YIF1B: variants seen among roughly 807,000 people sequenced by gnomAD.
The protein encoded by YIF1B is Yip1 interacting factor homolog B, membrane trafficking protein.
A neutral mutation model predicts 34.6 loss-of-function variants in YIF1B; 24 were observed. That is an observed-to-expected ratio of 0.69 (90% CI 0.50 to 0.98). The LOEUF (loss-of-function observed/expected upper bound fraction) is 0.98, where lower values mean the gene tolerates loss of function less well. Among genes scored for constraint, YIF1B ranks in the 50% least tolerant of loss-of-function variants. YIF1B has a pLI of 0.00. For synonymous variants in YIF1B, 186 were observed against 184.8 expected (o/e 1.01, Z -0.05); for missense variants, 368 against 429.4 (o/e 0.86, Z 1.26).
chr19:38,307,799 C>A (rs766283627), intron 5 of YIF1B, 47 bp from the exon 6 acceptor site: 69 of 1,599,642 alleles, frequency 4.3e-5, no homozygotes, highest in Middle Eastern at 2.0e-4. Flanking sequence ...TCAGACCCCC[C>A]ACCCCCAGCA....
In YIF1B at chr19:38,304,718, G is replaced by A; in HGVS notation, c.*634C>T. The A allele has an allele frequency of 1.9e-6, 3 of 1,613,504 alleles. No homozygotes were observed. Among genetic ancestry groups the A allele is most frequent in the Non-Finnish European group, 2.5e-6 (3 of 1,179,846 alleles). On this transcript the variant is annotated 3_prime_UTR_variant, in exon 8 of 8. Transcript: ENST00000339413. Reference sequence around the variant, plus strand: ...GGCTCTCGCCAGCGTCCCCAAGCACGTGCCCTGCACCCCAGAGAGGCGTCC... The same window carrying A: ...GGCTCTCGCCAGCGTCCCCAAGCACATGCCCTGCACCCCAGAGAGGCGTCC...
chr19:38,315,963 G>A (rs1969534327), upstream of YIF1B: 8 of 1,388,228 alleles, frequency 5.8e-6, no homozygotes, highest in South Asian at 6.4e-5. Flanking sequence ...GTGCCCGCCC[G>A]GCTCCCGTAC....
chr19:38,308,810 G>GC lies in YIF1B; in HGVS notation c.520dup (p.Ala174GlyfsTer7). On this transcript the variant is annotated frameshift_variant, in exon 5 of 8. Transcript: ENST00000339413. LOFTEE classifies it high-confidence loss of function. ...CCCTTACCTATCCTGGGTCCCCAGC[G>GC]CAAGACCAGCCACCAAAACGTAGGT... 1.2e-6 allele frequency: 2 copies of GC among 1,613,880 alleles called. No individual in the cohort carries two copies. The highest frequency in any genetic ancestry group is 1.7e-6 in the Non-Finnish European group (2 of 1,179,914).
At position 38,304,231 on chromosome 19, in the gene YIF1B, T is replaced by C. The variant is rs927849184; in HGVS notation, c.*1121A>G. On this transcript the variant is annotated 3_prime_UTR_variant, in exon 8 of 8. Transcript: ENST00000339413. ...GCTCCTCTGCAGGGCCCAGGCGCCC[T>C]TGGCCTTAGGACCCAACTTCTCTTA... The C allele has an allele frequency of 1.9e-6, 3 of 1,613,096 alleles. No homozygotes were observed. The highest frequency in any genetic ancestry group is 1.3e-5 in the African/African-American group (1 of 74,928).
Position 38,315,891 on chromosome 19 carries a change from C to A in YIF1B, c.27G>T (p.Ala9=). 1 of 1,479,874 alleles carries A rather than the reference C, an allele frequency of 6.8e-7. No individual in the cohort carries two copies. The highest frequency in any genetic ancestry group is 1.3e-5 in the South Asian group (1 of 77,404). The allele number at this position is 1,479,874 out of a possible 1,614,324, so 91.7% of individuals were successfully genotyped here. Residue 9 remains alanine (A), a synonymous_variant, in exon 1 of 8, where the codon GCG becomes GCT. Transcript: ENST00000339413. The part of the protein sequence containing the change: MHPAGLAA[A]AAGTPRLRKW... ...TACGCAGCCGGGGCGTCCCCGCAGC[C>A]GCCGCCGCCAAGCCTGCCGGGTGCA...
In YIF1B at chr19:38,306,500, G is replaced by A. The variant is rs74998829; in HGVS notation, c.789+928C>T. Among the ~76,000 whole-genome samples, 193 of 151,522 alleles carry A rather than the reference G, an allele frequency of 1.3e-3. 1 individual carries two copies. The highest frequency in any genetic ancestry group is 4.3e-3 in the African/African-American group (178 of 41,326). On this transcript the variant is annotated intron_variant, in intron 7 of 7. Coordinates refer to ENST00000339413, the MANE Select transcript of YIF1B (RefSeq NM_001039672.3). ...TGCTGGGATCACAGATGTGAGTCAC[G>A]TGCTTGGCCTAAACTTTTAAATGAT... is the stretch of plus-strand genomic sequence containing the variant.
At position 38,305,116 on chromosome 19, in the gene YIF1B, C is replaced by T; in HGVS notation, c.*236G>A. On this transcript the variant is annotated 3_prime_UTR_variant, in exon 8 of 8. Coordinates refer to ENST00000339413, the MANE Select transcript of YIF1B (RefSeq NM_001039672.3). ...GAGGCCAAGGAGAGGCTGTCCACGCCATGCCCATCAGGGTTTATTGTTTCT... is the reference window on the plus strand; with the variant it reads ...GAGGCCAAGGAGAGGCTGTCCACGCTATGCCCATCAGGGTTTATTGTTTCT... 8 of 1,448,786 alleles carry T rather than the reference C, an allele frequency of 5.5e-6. No homozygotes were observed. Among genetic ancestry groups the T allele is most frequent in the Non-Finnish European group, 7.4e-6 (8 of 1,086,266 alleles). 89.7% of individuals were successfully genotyped at this position (1,448,786 alleles called of 1,614,324 possible).
chr19:38,305,346 GCGCGCTCA>G lies in YIF1B; in HGVS notation c.943_*5del. ...GCAGCAGCAGCGGGAGGTTCAGCGGGCGCGCTCACCGCACCAGGTGGAAGGTGAGCCAG... is the reference window on the plus strand; with the variant it reads ...GCAGCAGCAGCGGGAGGTTCAGCGGGCCGCACCAGGTGGAAGGTGAGCCAG... On this transcript the variant is annotated stop_lost and 3_prime_UTR_variant, in exon 8 of 8. Transcript: ENST00000339413. The G allele has an allele frequency of 6.2e-7, 1 of 1,600,244 alleles. No individual in the cohort carries two copies. The highest frequency in any genetic ancestry group is 8.5e-7 in the Non-Finnish European group (1 of 1,171,002).
Position 38,303,822 on chromosome 19 carries a change from A to G in YIF1B, c.*1530T>C, listed in dbSNP as rs918291998. 1.3e-4 allele frequency among the ~76,000 whole-genome samples: 20 copies of G among 152,330 alleles called. No individual in the cohort carries two copies. The highest frequency in any genetic ancestry group is 4.8e-4 in the African/African-American group (20 of 41,582). On this transcript the variant is annotated 3_prime_UTR_variant, in exon 8 of 8. Coordinates refer to ENST00000339413, the MANE Select transcript of YIF1B (RefSeq NM_001039672.3). ...CTCACCCCTCAGACGCTGCTCACCA[A>G]GCCGGAGGGGCTGTGGGAGCGAGTT...
Position 38,313,555 on chromosome 19 carries a change from G to A in YIF1B, c.58+2305C>T, listed in dbSNP as rs112486003. On this transcript the variant is annotated intron_variant, in intron 1 of 7. Coordinates refer to ENST00000339413, the MANE Select transcript of YIF1B (RefSeq NM_001039672.3). The stretch of plus-strand genomic sequence containing the variant: ...ATTACAGGCGTGAGCCACCTAACCC[G>A]GCCCAGAGTGATCTTTTTAAATACA... Among the ~76,000 whole-genome samples, 12 of 152,286 alleles carry A rather than the reference G, an allele frequency of 7.9e-5. No homozygotes were observed. The South Asian group carries it at 8.3e-4, about 11-fold the overall frequency.
intron 7 of YIF1B, chr19:38,306,842 C>G (rs1001437117): frequency 2.6e-6 from 1 of 391,590 alleles, no homozygotes; most frequent in Non-Finnish European, 5.2e-6. Context: ...CCACCACACC[C>G]AGCTAATTTT....
chr19:38,318,873 C>CG (rs953135016), upstream of YIF1B, among the ~76,000 whole-genome samples: 232 of 152,058 alleles, frequency 1.5e-3, 1 homozygote, highest in African/African-American at 2.6e-3. Context: ...GAGAGACTTA[C>CG]GGGGGGGCGC....
intron 7 of YIF1B, 121 bp downstream of exon 7, chr19:38,307,307 G>T: frequency 1.8e-6 from 2 of 1,133,782 alleles, no homozygotes; most frequent in Non-Finnish European, 2.5e-6. Context: ...GCCACTCCAG[G>T]GCTCCTCAGT....
At chr19:38,318,674 G>A (rs1969610887), upstream of YIF1B, among the ~76,000 whole-genome samples, 1 of 152,190 alleles carries the variant, frequency 6.6e-6, no homozygotes, top group Non-Finnish European at 1.5e-5. Context: ...AGGTGCCTCT[G>A]CTTCTGGATT....
At position 38,315,866 on chromosome 19, in the gene YIF1B, T is replaced by TA. The variant is rs1369012877; in HGVS notation, c.51dup (p.Lys18Ter). 2.7e-6 allele frequency: 4 copies of TA among 1,500,616 alleles called. No homozygotes were observed. The highest frequency in any genetic ancestry group is 2.9e-5 in the African/African-American group (2 of 68,998). 93.0% of individuals were successfully genotyped at this position (1,500,616 alleles called of 1,614,324 possible). A position where few individuals can be genotyped will look rare whatever the true frequency, so the allele number is the denominator to read the frequency against. Reference sequence around the variant, plus strand: ...TCCTCCGCCGGCCACGTACGCCACTTACGCAGCCGGGGCGTCCCCGCAGCC... The same window carrying TA: ...TCCTCCGCCGGCCACGTACGCCACTTAACGCAGCCGGGGCGTCCCCGCAGCC... On this transcript the variant is annotated frameshift_variant, in exon 1 of 8. Coordinates refer to ENST00000339413, the MANE Select transcript of YIF1B (RefSeq NM_001039672.3). LOFTEE classifies it high-confidence loss of function.
At chr19:38,313,453 G>C (rs866222618) in intron 1 of YIF1B, among the ~76,000 whole-genome samples, 1 of 149,400 alleles carries the variant, frequency 6.7e-6, no homozygotes, top group South Asian at 2.1e-4. Flanking sequence ...TAGAGACGGG[G>C]TTTCACCGTG....
chr19:38,307,191 G>T (rs1012788845), intron 7 of YIF1B: 13 of 563,150 alleles, frequency 2.3e-5, no homozygotes, highest in Non-Finnish European at 3.6e-5. Flanking sequence ...CCTGGAGCCT[G>T]TGTGCTGGGG....
In YIF1B at chr19:38,304,671, G is replaced by T; in HGVS notation, c.*681C>A. ...ACTCCAGCAGCAGCTCCAGCGATTC[G>T]GACACGGATGTGAAGGTAAGGGGCT... On this transcript the variant is annotated 3_prime_UTR_variant, in exon 8 of 8. Transcript: ENST00000339413. The T allele has an allele frequency of 6.2e-7, 1 of 1,613,678 alleles. No homozygotes were observed. The highest frequency in any genetic ancestry group is 8.5e-7 in the Non-Finnish European group (1 of 1,179,986).
Position 38,307,731 on chromosome 19 carries a change from C to G in YIF1B, c.561G>C (p.Gly187=). The change falls in exon 6 of 8, where the codon GGG becomes GGC. Residue 187 remains glycine (G), a synonymous_variant. Transcript: ENST00000339413. Reference sequence around the variant, plus strand: ...AGGCCAGGGCTGAGCTCGCTTGCAGCCCCAGGAGGTCTGGGGAGAACCTGC... The same window carrying G: ...AGGCCAGGGCTGAGCTCGCTTGCAGGCCCAGGAGGTCTGGGGAGAACCTGC... ...TQDRFSPDLL[G]LQASSALAWL... is the part of the protein sequence containing the mutation. The G allele has an allele frequency of 4.3e-6, 7 of 1,613,042 alleles. No homozygotes were observed. Among genetic ancestry groups the G allele is most frequent in the Non-Finnish European group, 5.9e-6 (7 of 1,179,942 alleles).
Sources: gnomAD v4.1 joint callset for allele counts (sites outside exome capture counted in the v4.1 genomes callset) on GRCh38, gnomAD v4.1.1 for gene constraint, MANE v1.5 for transcripts, NCBI Gene and HGNC (gene_info 2026-07-23, HGNC 2026-07-21) for gene names.